The following KLF3 variants were observed in gnomAD, a reference collection of about 807,000 sequenced individuals.
The protein encoded by KLF3 is KLF transcription factor 3.
A neutral mutation model predicts 32.7 loss-of-function variants in KLF3; 6 were observed. The observed-to-expected ratio is 0.18, with a 90% CI of 0.10 to 0.36. The LOEUF (loss-of-function observed/expected upper bound fraction) is 0.36, where lower values mean the gene tolerates loss of function less well. Ranked by LOEUF, KLF3 falls within the 10% of genes least tolerant of loss-of-function variation. The pLI is 1.00. For missense variants in KLF3, 338 were observed against 449.7 expected (o/e 0.75, Z 2.25); for synonymous variants, 145 against 172.8 (o/e 0.84, Z 1.26).
At chr4:38,684,107 C>T (rs73134278) in intron 2 of KLF3, among the ~76,000 whole-genome samples, 57 of 152,192 alleles carry the variant, frequency 3.7e-4, no homozygotes, top group African/African-American at 1.3e-3. Flanking sequence ...TCCATGTTTC[C>T]GTCATTCCGT....
rs766215913 is a variant in KLF3, at chr4:38,688,782, GTCC to G, written c.258_260del (p.Ser87del). The G allele has an allele frequency of 3.7e-6, 6 of 1,614,022 alleles. No individual in the cohort carries two copies. The East Asian group carries it at 1.3e-4, about 36-fold the overall frequency. On this transcript the variant is annotated inframe_deletion, in exon 3 of 6. Transcript: ENST00000261438. The surrounding 1 kb of genome is among the most constrained non-coding windows in gnomAD (Gnocchi z 4.9). ...ATTCGCCCTCCTCTCTGAAGTTCCCGTCCTCACACCGGAGAGCCTCGCCTGGGT... is the reference window on the plus strand; with the variant it reads ...ATTCGCCCTCCTCTCTGAAGTTCCCGTCACACCGGAGAGCCTCGCCTGGGT...
At chr4:38,690,256 T>C (rs960082274) in intron 4 of KLF3, 1 of 198,962 alleles carries the variant, frequency 5.0e-6, no homozygotes, top group Admixed American at 5.6e-5. Context: ...AAAGTTTTCA[T>C]GTGGACACAC....
intron 4 of KLF3, among the ~76,000 whole-genome samples, chr4:38,691,016 A>C (rs1722862019): frequency 6.6e-6 from 1 of 152,204 alleles, no homozygotes; most frequent in African/African-American, 2.4e-5. Context: ...AGCCGACTTC[A>C]TCAGCAGGTA....
intron 4 of KLF3, among the ~76,000 whole-genome samples, chr4:38,692,164 A>ACTCGT (rs1722894026): frequency 6.6e-6 from 1 of 152,246 alleles, no homozygotes; most frequent in African/African-American, 2.4e-5. Flanking sequence ...AGCAAACTTA[A>ACTCGT]GAGGGGCTGT....
At position 38,699,903 on chromosome 4, in the gene KLF3, C is replaced by T. The variant is rs1723152765; in HGVS notation, c.*2640C>T. The T allele has an allele frequency of 6.6e-6, 1 of 152,178 alleles. No homozygotes were observed. Among genetic ancestry groups the T allele is most frequent in the Non-Finnish European group, 1.5e-5 (1 of 68,022 alleles). 9.4% of individuals were successfully genotyped at this position (152,178 alleles called of 1,614,324 possible). A position where few individuals can be genotyped will look rare whatever the true frequency, so the allele number is the denominator to read the frequency against. On this transcript the variant is annotated 3_prime_UTR_variant, in exon 6 of 6. Coordinates refer to ENST00000261438, the MANE Select transcript of KLF3 (RefSeq NM_016531.6). ...CTGTTATTGTGGAAGACCTCAAATACAAGATTAGATGCCCTTGAACATGTT... is the reference window on the plus strand; with the variant it reads ...CTGTTATTGTGGAAGACCTCAAATATAAGATTAGATGCCCTTGAACATGTT...
chr4:38,695,332 T>G (rs1723017006), intron 5 of KLF3, among the ~76,000 whole-genome samples: 1 of 152,198 alleles, frequency 6.6e-6, no homozygotes, highest in African/African-American at 2.4e-5. Flanking sequence ...ACAATTCAAA[T>G]AGAAGACTGT....
At chr4:38,672,393 C>G (rs1722222743) in intron 1 of KLF3, among the ~76,000 whole-genome samples, 1 of 152,118 alleles carries the variant, frequency 6.6e-6, no homozygotes, top group Non-Finnish European at 1.5e-5. Flanking sequence ...ACTGGGAAAG[C>G]TAAGAGGCCT....
At chr4:38,665,458 T>G (rs975791922) in intron 1 of KLF3, among the ~76,000 whole-genome samples, 3 of 152,224 alleles carry the variant, frequency 2.0e-5, no homozygotes, top group Non-Finnish European at 2.9e-5. Context: ...CTTTTCTGGT[T>G]TAAATTTTAT....
intron 2 of KLF3, among the ~76,000 whole-genome samples, chr4:38,686,389 T>G (rs921190082): frequency 7.1e-6 from 1 of 141,624 alleles, no homozygotes. Flanking sequence ...GAGGCTGCAG[T>G]GAGCTATGAT....
intron 1 of KLF3, among the ~76,000 whole-genome samples, chr4:38,668,635 A>G (rs1422080547): frequency 6.6e-6 from 1 of 152,222 alleles, no homozygotes; most frequent in Non-Finnish European, 1.5e-5. Context: ...GCTGACCTGT[A>G]GGACAAGAGA....
chr4:38,686,169 G>A (rs139048780), intron 2 of KLF3, among the ~76,000 whole-genome samples: 2 of 151,878 alleles, frequency 1.3e-5, no homozygotes, highest in African/African-American at 2.4e-5. Flanking sequence ...AACTGGCTGC[G>A]CGTGGTGGCT....
chr4:38,668,122 A>G (rs921279226), intron 1 of KLF3, among the ~76,000 whole-genome samples: 1 of 152,232 alleles, frequency 6.6e-6, no homozygotes, highest in African/African-American at 2.4e-5. Context: ...GAAAACAAGA[A>G]GAATGCTCTT....
rs548049272 is a variant in KLF3 at position 38,688,866 on chromosome 4, C to T, written c.339C>T (p.Gly113=). The stretch of plus-strand genomic sequence containing the variant: ...AAAAATACTCACCCCCTTCTCCAGG[C>T]GTGCAGCCCTTCGGCGTGCCGCTGT... ...PIKKYSPPSP[G]VQPFGVPLSM... The change falls in exon 3 of 6, where the codon GGC becomes GGT. Residue 113 remains glycine (G), a synonymous_variant. Coordinates refer to ENST00000261438, the MANE Select transcript of KLF3 (RefSeq NM_016531.6). The surrounding 1 kb of genome is among the most constrained non-coding windows in gnomAD (Gnocchi z 4.9). The T allele has an allele frequency of 1.4e-5, 23 of 1,614,258 alleles. No homozygotes were observed. Among genetic ancestry groups the T allele is most frequent in the South Asian group, 1.2e-4 (11 of 91,086 alleles).
chr4:38,692,817 G>A (rs573192607), intron 4 of KLF3, among the ~76,000 whole-genome samples: 37 of 152,150 alleles, frequency 2.4e-4, no homozygotes, highest in Admixed American at 1.3e-3. Context: ...TAGTCTCCCA[G>A]TATCCCAAAG....
chr4:38,683,503 C>CA (rs1255459771), intron 2 of KLF3, among the ~76,000 whole-genome samples: 2 of 151,952 alleles, frequency 1.3e-5, no homozygotes, highest in Non-Finnish European at 2.9e-5. Context: ...TCTGTGCCTT[C>CA]AGTCTCTGCT....
chr4:38,694,975 T>TA (rs768403438), intron 5 of KLF3, 69 bp downstream of exon 5: 14 of 1,490,346 alleles, frequency 9.4e-6, no homozygotes, highest in Admixed American at 2.4e-5. Flanking sequence ...CAAAGGTTGT[T>TA]ACGATCAAAG....
chr4:38,690,777 CT>C (rs1722854468), intron 4 of KLF3: 1 of 152,242 alleles, frequency 6.6e-6, no homozygotes, highest in Admixed American at 6.5e-5. Context: ...TCTCTACCCC[CT>C]GTACCCCGCT....
intron 1 of KLF3, among the ~76,000 whole-genome samples, chr4:38,666,915 A>G (rs1380834790): frequency 6.6e-6 from 1 of 152,220 alleles, no homozygotes; most frequent in Non-Finnish European, 1.5e-5. Context: ...CATAATCATT[A>G]CCCTAACTCG....
intron 4 of KLF3, among the ~76,000 whole-genome samples, chr4:38,692,558 C>T (rs1181830246): frequency 6.6e-6 from 1 of 152,270 alleles, no homozygotes; most frequent in East Asian, 1.9e-4. Context: ...TCTGAGATAA[C>T]ATTATTATCA....
Sources: gnomAD v4.1 joint callset for allele counts (sites outside exome capture counted in the v4.1 genomes callset) on GRCh38, gnomAD v4.1.1 for gene constraint, Gnocchi (gnomAD v3.1) non-coding constraint, MANE v1.5 for transcripts, NCBI Gene and HGNC (gene_info 2026-07-23, HGNC 2026-07-21) for gene names.